The following SAMD14 variants were observed in gnomAD, a reference collection of about 807,000 sequenced individuals.
SAMD14 encodes the protein sterile alpha motif domain-containing protein 14.
A neutral mutation model predicts 46.2 loss-of-function variants in SAMD14; 27 were observed. The observed-to-expected ratio is 0.58, with a 90% CI of 0.43 to 0.81. The LOEUF (loss-of-function observed/expected upper bound fraction) is 0.81. Ranked by LOEUF, SAMD14 falls within the 30% of genes least tolerant of loss-of-function variation. SAMD14 has a pLI of 0.00. For synonymous variants in SAMD14, 241 were observed against 254.3 expected (o/e 0.95, Z 0.50); for missense variants, 559 against 582.2 (o/e 0.96, Z 0.41).
rs2144425223 is a variant in SAMD14 at position 50,129,241 on chromosome 17, G to A, written c.-13+276C>T. 6.6e-6 allele frequency among the ~76,000 whole-genome samples: 1 copy of A among 152,178 alleles called. No homozygotes were observed. The highest frequency in any genetic ancestry group is 2.4e-5 in the African/African-American group (1 of 41,504). ...AAACCATCAGCACAACTCCCCGCCG[G>A]GCAAGAAAGAGTTAAGCCCTCTCCC... On this transcript the variant is annotated intron_variant, in intron 1 of 9. Coordinates refer to ENST00000330175, the MANE Select transcript of SAMD14 (RefSeq NM_001257359.2). The surrounding 1 kb of genome is among the most constrained non-coding windows in gnomAD (Gnocchi z 5.6).
intron 2 of SAMD14, among the ~76,000 whole-genome samples, chr17:50,123,811 G>C (rs866313795): frequency 2.0e-5 from 3 of 152,152 alleles, no homozygotes; most frequent in Non-Finnish European, 4.4e-5. Context: ...TTGGTGTGGG[G>C]AGTAGAGGGT....
chr17:50,117,867 G>A (rs1421418488), intron 3 of SAMD14, 172 bp from the exon 4 acceptor site: 1 of 721,556 alleles, frequency 1.4e-6, no homozygotes, highest in African/African-American at 1.9e-5. Flanking sequence ...TGGGAAACAG[G>A]AACTTTGAGT....
At position 50,118,451 on chromosome 17, in the gene SAMD14, G is replaced by A. The variant is rs574738018; in HGVS notation, c.44-124C>T. On this transcript the variant is annotated intron_variant, in intron 2 of 9. Transcript: ENST00000330175. ...TTCAACCCGTGTTCTTGAGTGCTGG[G>A]AGCACAGACAGATGAAAAACAGGGT... is the stretch of plus-strand genomic sequence containing the variant. 30 of 1,172,458 alleles carry A rather than the reference G, an allele frequency of 2.6e-5. No individual in the cohort carries two copies. The African/African-American group carries it at 4.1e-4, about 16-fold the overall frequency. 72.6% of individuals were successfully genotyped at this position (1,172,458 alleles called of 1,614,324 possible).
At chr17:50,117,850 T>TGA (rs1207106217) in intron 3 of SAMD14, 155 bp from the exon 4 acceptor site, 5 of 803,986 alleles carry the variant, frequency 6.2e-6, no homozygotes, top group Non-Finnish European at 8.9e-6. Context: ...GGCTGGAGAG[T>TGA]GAGAGGTGGG....
rs181232406 is a variant in SAMD14 at position 50,114,578 on chromosome 17, T to C, written c.823-272A>G. On this transcript the variant is annotated intron_variant, in intron 7 of 9. Coordinates refer to ENST00000330175, the MANE Select transcript of SAMD14 (RefSeq NM_001257359.2). The stretch of plus-strand genomic sequence containing the variant: ...GAGGCGGTCTCAGGCAAGGTGTCAC[T>C]TCCTACAGGCAGACCACCGAGATTC... The C allele has an allele frequency of 1.1e-5, 8 of 715,470 alleles. No homozygotes were observed. The East Asian group carries it at 2.0e-4, about 18-fold the overall frequency. 44.3% of individuals were successfully genotyped at this position (715,470 alleles called of 1,614,324 possible).
chr17:50,116,642 G>A (rs1235586802), intron 4 of SAMD14, among the ~76,000 whole-genome samples: 2 of 150,830 alleles, frequency 1.3e-5, no homozygotes, highest in African/African-American at 4.9e-5. Flanking sequence ...CCTGACCTCA[G>A]GTGATCCACC....
chr17:50,119,413 G>T (rs755833901), intron 2 of SAMD14, among the ~76,000 whole-genome samples: 5 of 152,066 alleles, frequency 3.3e-5, no homozygotes, highest in Non-Finnish European at 7.4e-5. Context: ...CATGATCTCA[G>T]GGGCCCTATT....
intron 1 of SAMD14, among the ~76,000 whole-genome samples, chr17:50,127,796 A>C (rs1911848062): frequency 6.6e-6 from 1 of 152,154 alleles, no homozygotes; most frequent in Non-Finnish European, 1.5e-5. Context: ...ATGGGAAGGA[A>C]GGCTGACCCT....
At position 50,118,169 on chromosome 17, in the gene SAMD14, C is replaced by T. The variant is rs368368138; in HGVS notation, c.202G>A (p.Gly68Arg). ...TCCTAACTTGCCCCAACCTTGCCTC[C>T]GGGCCCATCCGAGCCTTCACCATCC... Reference protein sequence around the residue: ...AEDGEGSDGPGGKVTDGCGSP... With the variant: ...AEDGEGSDGPRGKVTDGCGSP... The change falls in exon 3 of 10, where the codon GGA (glycine) becomes AGA (arginine). Residue 68 changes from glycine (G) to arginine (R), a missense_variant. By Grantham distance (125) the Gly-to-Arg change is moderately radical (BLOSUM62 -2). Coordinates refer to ENST00000330175, the MANE Select transcript of SAMD14 (RefSeq NM_001257359.2). 10 of 1,596,964 alleles carry T rather than the reference C, an allele frequency of 6.3e-6. No individual in the cohort carries two copies. The African/African-American group carries it at 6.7e-5, about 11-fold the overall frequency.
In SAMD14 at chr17:50,115,817, G is replaced by A. The variant is rs763399747; in HGVS notation, c.662+13C>T. 4 of 1,612,714 alleles carry A rather than the reference G, an allele frequency of 2.5e-6. No individual in the cohort carries two copies. The highest frequency in any genetic ancestry group is 2.2e-5 in the East Asian group (1 of 44,886). The stretch of plus-strand genomic sequence containing the variant: ...GCGGGAGCTGTGGGTGGGCCGCCAT[G>A]GGCACCTCTCACCTGCTGCCCATGG... On this transcript the variant is annotated intron_variant, in intron 6 of 9. Transcript: ENST00000330175. The surrounding 1 kb of genome is among the most constrained non-coding windows in gnomAD (Gnocchi z 5.3).
At chr17:50,120,536 C>T (rs926702520) in intron 2 of SAMD14, among the ~76,000 whole-genome samples, 5 of 152,214 alleles carry the variant, frequency 3.3e-5, no homozygotes, top group Admixed American at 2.0e-4. Flanking sequence ...CCTGATCAAA[C>T]GTGTCAGTTT....
chr17:50,112,809 C>A lies in SAMD14; in HGVS notation c.*84G>T. 6.7e-7 allele frequency: 1 copy of A among 1,482,598 alleles called. No individual in the cohort carries two copies. Among genetic ancestry groups the A allele is most frequent in the Non-Finnish European group, 9.0e-7 (1 of 1,105,284 alleles). The allele number at this position is 1,482,598 out of a possible 1,614,324, so 91.8% of individuals were successfully genotyped here. On this transcript the variant is annotated 3_prime_UTR_variant, in exon 10 of 10. Coordinates refer to ENST00000330175, the MANE Select transcript of SAMD14 (RefSeq NM_001257359.2). ...GGACCAGGCTAGCCCAAGTGCAGCG[C>A]CCAGGTCCAGCCTCCCTGGTGAGGC...
In SAMD14 at chr17:50,115,880, C is replaced by T. The variant is rs115036771; in HGVS notation, c.612G>A (p.Thr204=). The T allele has an allele frequency of 6.8e-4, 1,098 of 1,613,246 alleles. 2 individuals are homozygous for T. In the African/African-American group the frequency reaches 0.013, roughly 18 times the overall value. Reference sequence around the variant, plus strand: ...TGCCTTTCTCCTTCCGGCTCTTGCCCGTGGATGCTCGGCGCAGGGTGACCC... The same window carrying T: ...TGCCTTTCTCCTTCCGGCTCTTGCCTGTGGATGCTCGGCGCAGGGTGACCC... ...DLGVTLRRAS[T]GKSRKEKGSN... The change falls in exon 6 of 10, where the codon ACG becomes ACA. Residue 204 remains threonine, a synonymous_variant. Coordinates refer to ENST00000330175, the MANE Select transcript of SAMD14 (RefSeq NM_001257359.2). This position sits in a 1 kb window ranked among gnomAD's most constrained non-coding sequence, Gnocchi z 5.3.
At chr17:50,127,240 G>C (rs958202528) in intron 1 of SAMD14, among the ~76,000 whole-genome samples, 2 of 152,028 alleles carry the variant, frequency 1.3e-5, no homozygotes, top group Admixed American at 1.3e-4. Flanking sequence ...TCAGTTTAGG[G>C]GTGGAGGAAG....
intron 2 of SAMD14, among the ~76,000 whole-genome samples, chr17:50,119,030 G>A (rs546684626): frequency 1.3e-5 from 2 of 152,202 alleles, no homozygotes; most frequent in Non-Finnish European, 2.9e-5. Context: ...GCTGTGCCAC[G>A]CGCAGGGTCT....
rs1269710316 is a variant in SAMD14 at position 50,111,713 on chromosome 17, A to C, written c.*1180T>G. The C allele has an allele frequency of 6.6e-6, 1 of 152,304 alleles. No homozygotes were observed. Among genetic ancestry groups the C allele is most frequent in the Non-Finnish European group, 1.5e-5 (1 of 68,104 alleles). The allele number at this position is 152,304 out of a possible 1,614,324, so 9.4% of individuals were successfully genotyped here. ...TGACCAGTGTCCTGGAAGCGGGACT[A>C]GCTGCTGACCAGCGCCACACATGAA... On this transcript the variant is annotated 3_prime_UTR_variant, in exon 10 of 10. Coordinates refer to ENST00000330175, the MANE Select transcript of SAMD14 (RefSeq NM_001257359.2).
intron 2 of SAMD14, chr17:50,124,021 G>A (rs911414785): frequency 1.1e-5 from 5 of 451,230 alleles, no homozygotes; most frequent in African/African-American, 6.0e-5. Flanking sequence ...GAAGAAGGGA[G>A]AGATGAGGAG....
chr17:50,115,911 G>A lies in SAMD14; in HGVS notation c.588-7C>T. The stretch of plus-strand genomic sequence containing the variant: ...TGCTCGGCGCAGGGTGACCCTGTGG[G>A]GAGGCAGCAGGAAGTGGGGCAGGGC... On this transcript the variant is annotated splice_region_variant and splice_polypyrimidine_tract_variant and intron_variant, in intron 5 of 9. Coordinates refer to ENST00000330175, the MANE Select transcript of SAMD14 (RefSeq NM_001257359.2). This position sits in a 1 kb window ranked among gnomAD's most constrained non-coding sequence, Gnocchi z 5.3. 3.1e-6 allele frequency: 5 copies of A among 1,612,948 alleles called. No individual in the cohort carries two copies. The highest frequency in any genetic ancestry group is 3.4e-6 in the Non-Finnish European group (4 of 1,179,524).
intron 1 of SAMD14, among the ~76,000 whole-genome samples, chr17:50,128,117 AG>A: frequency 6.6e-6 from 1 of 152,116 alleles, no homozygotes; most frequent in Non-Finnish European, 1.5e-5. Context: ...AGGCTCTCTG[AG>A]GGCAGTAGTG....
Sources: gnomAD v4.1 joint callset for allele counts (sites outside exome capture counted in the v4.1 genomes callset) on GRCh38, gnomAD v4.1.1 for gene constraint, Gnocchi (gnomAD v3.1) non-coding constraint, MANE v1.5 for transcripts, NCBI Gene and HGNC (gene_info 2026-07-23, HGNC 2026-07-21) for gene names.